REG4: variants seen among roughly 807,000 people sequenced by gnomAD.
REG4 encodes the protein regenerating family member 4, also known as regenerating islet-derived protein 4.
A neutral mutation model predicts 22.3 loss-of-function variants in REG4; 16 were observed. The observed-to-expected ratio is 0.72, with a 90% CI of 0.49 to 1.09. REG4 has a LOEUF of 1.09. REG4 is among the 50% of genes least tolerant of loss of function. The pLI, the probability that REG4 is intolerant of heterozygous loss-of-function variation, is 0.00. For missense variants in REG4, 214 were observed against 193.9 expected, an observed-to-expected ratio of 1.10 and a Z score of -0.61; for synonymous variants, 71 against 69.2, an observed-to-expected ratio of 1.03 and a Z score of -0.13.
At chr1:119,798,291 T>G (rs993456248) in intron 5 of REG4, among the ~76,000 whole-genome samples, 5 of 152,186 alleles carry the variant, frequency 3.3e-5, no homozygotes, top group Non-Finnish European at 7.3e-5. Context: ...GCTGGTACAT[T>G]GATGTGACAA....
intron 2 of REG4, among the ~76,000 whole-genome samples, chr1:119,807,778 T>C (rs1654368073): frequency 6.6e-6 from 1 of 152,190 alleles, no homozygotes. Flanking sequence ...ACTGCAGCCA[T>C]AGGGGCCAAA....
Position 119,794,580 on chromosome 1 carries a change from G to T in REG4, c.*38C>A, listed in dbSNP as rs768524026. ...CCAGGCTAGCAGAAAGGAAGAGGAC[G>T]GGGCTGTGCAGGAGTTAGCAGAATC... On this transcript the variant is annotated 3_prime_UTR_variant, in exon 6 of 6. Coordinates refer to ENST00000256585, the MANE Select transcript of REG4 (RefSeq NM_032044.4). 6.4e-5 allele frequency: 98 copies of T among 1,534,280 alleles called. No individual in the cohort carries two copies. The highest frequency in any genetic ancestry group is 3.2e-4 in the East Asian group (12 of 37,334).
intron 2 of REG4, among the ~76,000 whole-genome samples, chr1:119,805,195 G>A (rs182982875): frequency 7.1e-4 from 108 of 152,248 alleles, no homozygotes; most frequent in African/African-American, 2.2e-3. Context: ...TGCACTTTAC[G>A]TAAAAATTGA....
chr1:119,807,600 G>A (rs1056610994), intron 2 of REG4, among the ~76,000 whole-genome samples: 13 of 150,964 alleles, frequency 8.6e-5, no homozygotes, highest in Non-Finnish European at 1.6e-4. Context: ...TCTGCAGGAG[G>A]GGCTCAAGAG....
Position 119,808,606 on chromosome 1 carries a change from G to T in REG4, c.67+97C>A, listed in dbSNP as rs587719480. The T allele has an allele frequency of 1.3e-4, 112 of 842,928 alleles. No homozygotes were observed. In the East Asian group the frequency reaches 2.6e-3, roughly 20 times the overall value. The allele number at this position is 842,928 out of a possible 1,614,324, so 52.2% of individuals were successfully genotyped here. A position where few individuals can be genotyped will look rare whatever the true frequency, so the allele number is the denominator to read the frequency against. On this transcript the variant is annotated intron_variant, in intron 2 of 5. Coordinates refer to ENST00000256585, the MANE Select transcript of REG4 (RefSeq NM_032044.4). The stretch of plus-strand genomic sequence containing the variant: ...CATGTTTAAAAACCTATTTCCTGCA[G>T]TTCCTAAATGTTTTTGTGGGCAAAT...
At chr1:119,797,602 T>C (rs1653971582) in intron 5 of REG4, among the ~76,000 whole-genome samples, 1 of 152,224 alleles carries the variant, frequency 6.6e-6, no homozygotes, top group Non-Finnish European at 1.5e-5. Flanking sequence ...GATGGCCTAT[T>C]AGACCCACTG....
rs139174797 is a variant in REG4 at position 119,799,838 on chromosome 1, C to T, written c.190G>A (p.Gly64Arg). 49 of 1,613,980 alleles carry T rather than the reference C, an allele frequency of 3.0e-5. No individual in the cohort carries two copies. The highest frequency in any genetic ancestry group is 3.8e-5 in the Non-Finnish European group (45 of 1,180,044). Residue 64 changes from glycine (G) to arginine (R), a missense_variant, in exon 4 of 6, where the codon GGA (glycine) becomes AGA (arginine). Gly to Arg is a moderately radical substitution (Grantham distance 125). Coordinates refer to ENST00000256585, the MANE Select transcript of REG4 (RefSeq NM_032044.4). Reference protein sequence around the residue: ...AELECQSYGNGAHLASILSLK... With the variant: ...AELECQSYGNRAHLASILSLK... ...CTCAGGATAGATGCCAGGTGGGCTC[C>T]GTTTCCGTAAGACTGACACTCGAGC...
At chr1:119,799,540 C>A (rs2101067991) in intron 4 of REG4, among the ~76,000 whole-genome samples, 185 bp downstream of exon 4, 1 of 152,280 alleles carries the variant, frequency 6.6e-6, no homozygotes. Context: ...TCATTTAAAT[C>A]ATATCCTCCA....
intron 3 of REG4, chr1:119,802,710 T>C: frequency 5.6e-6 from 8 of 1,432,692 alleles, no homozygotes; most frequent in Non-Finnish European, 7.3e-6. Flanking sequence ...TTCTGGTAAA[T>C]CTTGTACAGA....
At chr1:119,804,438 C>T (rs1654228087) in intron 2 of REG4, among the ~76,000 whole-genome samples, 1 of 152,220 alleles carries the variant, frequency 6.6e-6, no homozygotes, top group African/African-American at 2.4e-5. Context: ...AACACGAATG[C>T]TCAGTGTAGC....
chr1:119,794,466 T>C lies in REG4; in HGVS notation c.*152A>G, dbSNP rs1046830083. 4.1e-6 allele frequency: 3 copies of C among 725,842 alleles called. No homozygotes were observed. Among genetic ancestry groups the C allele is most frequent in the South Asian group, 3.3e-5 (2 of 60,676 alleles). The allele number at this position is 725,842 out of a possible 1,614,324, so 45.0% of individuals were successfully genotyped here. On this transcript the variant is annotated 3_prime_UTR_variant, in exon 6 of 6. Transcript: ENST00000256585. ...ACTACTGGGCCAATGCTAAAGTTTC[T>C]GTCTCTAAGCCTAAAAAAGCCAGTG...
intron 2 of REG4, among the ~76,000 whole-genome samples, chr1:119,806,689 C>CT (rs1281465911): frequency 6.6e-6 from 1 of 152,140 alleles, no homozygotes; most frequent in Non-Finnish European, 1.5e-5. Context: ...CCATGGTGGC[C>CT]TTAGAACCTT....
intron 5 of REG4, among the ~76,000 whole-genome samples, chr1:119,796,678 T>C (rs1335039175): frequency 6.6e-6 from 1 of 152,202 alleles, no homozygotes; most frequent in East Asian, 1.9e-4. Context: ...GCTTCATTCC[T>C]TGTGCTTTTC....
At chr1:119,798,232 GA>G (rs1023730658) in intron 5 of REG4, among the ~76,000 whole-genome samples, 7 of 151,706 alleles carry the variant, frequency 4.6e-5, no homozygotes, top group African/African-American at 1.7e-4. Context: ...GTGTATTTCA[GA>G]AAAAAAATGA....
At chr1:119,796,564 T>G (rs1462620039) in intron 5 of REG4, among the ~76,000 whole-genome samples, 1 of 151,902 alleles carries the variant, frequency 6.6e-6, no homozygotes, top group Non-Finnish European at 1.5e-5. Context: ...CATTTTGAAT[T>G]AAAAAAAATA....
At chr1:119,799,096 C>G (rs587683113) in intron 4 of REG4, among the ~76,000 whole-genome samples, 1 of 152,102 alleles carries the variant, frequency 6.6e-6, no homozygotes, top group Admixed American at 6.5e-5. Context: ...TATTAAGAAG[C>G]AGGAAGTATG....
chr1:119,802,927 T>G (rs587627425), intron 3 of REG4, 141 bp downstream of exon 3: 2 of 1,559,204 alleles, frequency 1.3e-6, no homozygotes, highest in Non-Finnish European at 1.7e-6. Context: ...CACAACCCTC[T>G]TCTCTCCATT....
intron 1 of REG4, among the ~76,000 whole-genome samples, chr1:119,810,103 T>C (rs1415520472): frequency 6.6e-6 from 1 of 152,132 alleles, no homozygotes; most frequent in Non-Finnish European, 1.5e-5. Context: ...TGTATTTTTC[T>C]CTTACTTATT....
At chr1:119,795,424 T>A (rs962371361) in intron 5 of REG4, among the ~76,000 whole-genome samples, 1 of 152,150 alleles carries the variant, frequency 6.6e-6, no homozygotes. Flanking sequence ...GCCATTCACA[T>A]CCCAACAGGC....
Sources: allele counts gnomAD v4.1 joint callset (sites outside exome capture counted in the v4.1 genomes callset), GRCh38; gene constraint gnomAD v4.1.1; transcripts MANE v1.5; gene names NCBI Gene and HGNC (gene_info 2026-07-23, HGNC 2026-07-21).